The following KBTBD7 variants were observed in gnomAD, a reference collection of about 807,000 sequenced individuals.
KBTBD7 encodes the protein kelch repeat and BTB domain-containing protein 7.
In KBTBD7, 25 loss-of-function variants were observed where a neutral mutation model predicts 50.3. The ratio of observed to expected loss-of-function variants is 0.50; its 90% CI spans 0.36 to 0.69. The LOEUF is 0.69. KBTBD7 is among the 30% of genes least tolerant of loss of function. KBTBD7 has a pLI of 0.00. For synonymous variants in KBTBD7, 305 were observed against 325.3 expected, an observed-to-expected ratio of 0.94 and a Z score of 0.67; for missense variants, 653 against 869.5, an observed-to-expected ratio of 0.75 and a Z score of 3.13.
Position 41,194,496 on chromosome 13 carries a change from G to A in KBTBD7, c.-239C>T, listed in dbSNP as rs951841752. 2 of 582,286 alleles carry A rather than the reference G, an allele frequency of 3.4e-6. No individual in the cohort carries two copies. Among genetic ancestry groups the A allele is most frequent in the Non-Finnish European group, 3.0e-6 (1 of 328,598 alleles). 36.1% of individuals were successfully genotyped at this position (582,286 alleles called of 1,614,324 possible). A position where few individuals can be genotyped will look rare whatever the true frequency, so the allele number is the denominator to read the frequency against. Reference sequence around the variant, plus strand: ...TCTCCGCCTCCGCTCGCCCTCACAGGACCCGCTGGCTTGCAGCCGCGGAAG... The same window carrying A: ...TCTCCGCCTCCGCTCGCCCTCACAGAACCCGCTGGCTTGCAGCCGCGGAAG... On this transcript the variant is annotated 5_prime_UTR_variant, in exon 1 of 1. Transcript: ENST00000379483.
rs886906156 is a variant in KBTBD7 at position 41,192,872 on chromosome 13, G to C, written c.1386C>G (p.Asn462Lys). 6 of 1,614,092 alleles carry C rather than the reference G, an allele frequency of 3.7e-6. No homozygotes were observed. Among genetic ancestry groups the C allele is most frequent in the East Asian group, 4.5e-5 (2 of 44,900 alleles). The change falls in exon 1 of 1, where the codon AAC becomes AAG. Residue 462 changes from asparagine (N) to lysine (K), a missense_variant. Asn to Lys is a moderately conservative substitution (Grantham distance 94). Around this residue, in one of 3 missense-constraint regions of KBTBD7, gnomAD observed 526 missense variants for 717.1 expected, o/e 0.73. Transcript: ENST00000379483. Reference sequence around the variant, plus strand: ...GGACAGGAGCCACCAATGCCCACTGGTTTCTCTGAACACTGTAGCATTCCA... The same window carrying C: ...GGACAGGAGCCACCAATGCCCACTGCTTTCTCTGAACACTGTAGCATTCCA... Reference protein sequence around the residue: ...KEVECYSVQRNQWALVAPVPH... With the variant: ...KEVECYSVQRKQWALVAPVPH...
rs1272988852 is a variant in KBTBD7, at chr13:41,194,097, T to C, written c.161A>G (p.Lys54Arg). 1.2e-6 allele frequency: 2 copies of C among 1,614,094 alleles called. No individual in the cohort carries two copies. Among genetic ancestry groups the C allele is most frequent in the Non-Finnish European group, 1.7e-6 (2 of 1,180,042 alleles). Residue 54 changes from lysine (K) to arginine (R), a missense_variant, in exon 1 of 1, where the codon AAG (lysine) becomes AGG (arginine). By Grantham distance (26) the Lys-to-Arg change is conservative. Around this residue, in one of 3 missense-constraint regions of KBTBD7, gnomAD observed 119 missense variants for 125.0 expected, o/e 0.95. Coordinates refer to ENST00000379483, the MANE Select transcript of KBTBD7 (RefSeq NM_032138.7). ...AHSAALLAQL[K>R]SFYDARLLCD... ...CAGCAGCCGCGCGTCGTAGAAGGAC[T>C]TGAGCTGTGCCAGCAGGGCTGCAGA... is the stretch of plus-strand genomic sequence containing the variant.
In KBTBD7 at chr13:41,194,477, C is replaced by T; in HGVS notation, c.-220G>A. 3.2e-6 allele frequency: 2 copies of T among 622,594 alleles called. No individual in the cohort carries two copies. The highest frequency in any genetic ancestry group is 6.2e-5 in the Admixed American group (2 of 32,096). 38.6% of individuals were successfully genotyped at this position (622,594 alleles called of 1,614,324 possible). ...CTCTCACTCCCGCGCCCTTTCTCCG[C>T]CTCCGCTCGCCCTCACAGGACCCGC... On this transcript the variant is annotated 5_prime_UTR_variant, in exon 1 of 1. Coordinates refer to ENST00000379483, the MANE Select transcript of KBTBD7 (RefSeq NM_032138.7).
At position 41,189,919 on chromosome 13, in the gene KBTBD7, C is replaced by T. The variant is rs1442824267; in HGVS notation, c.*2284G>A. On this transcript the variant is annotated 3_prime_UTR_variant, in exon 1 of 1. Coordinates refer to ENST00000379483, the MANE Select transcript of KBTBD7 (RefSeq NM_032138.7). ...AATGGTTAACATCTACTCCTTAATT[C>T]ACAAATAGATCACAAAACCAAGATC... 1 of 152,192 alleles carries T rather than the reference C, an allele frequency of 6.6e-6. No homozygotes were observed. Among genetic ancestry groups the T allele is most frequent in the Non-Finnish European group, 1.5e-5 (1 of 68,022 alleles). The allele number at this position is 152,192 out of a possible 1,614,324, so 9.4% of individuals were successfully genotyped here.
rs2031483494 is a variant in KBTBD7 at position 41,194,492 on chromosome 13, A to G, written c.-235T>C. The G allele has an allele frequency of 1.7e-6, 1 of 585,602 alleles. No individual in the cohort carries two copies. The highest frequency in any genetic ancestry group is 3.0e-6 in the Non-Finnish European group (1 of 331,034). The allele number at this position is 585,602 out of a possible 1,614,324, so 36.3% of individuals were successfully genotyped here. A position where few individuals can be genotyped will look rare whatever the true frequency, so the allele number is the denominator to read the frequency against. On this transcript the variant is annotated 5_prime_UTR_variant, in exon 1 of 1. Coordinates refer to ENST00000379483, the MANE Select transcript of KBTBD7 (RefSeq NM_032138.7). ...CCTTTCTCCGCCTCCGCTCGCCCTC[A>G]CAGGACCCGCTGGCTTGCAGCCGCG...
At position 41,191,555 on chromosome 13, in the gene KBTBD7, T is replaced by TC. The variant is rs1431109820; in HGVS notation, c.*647_*648insG. On this transcript the variant is annotated 3_prime_UTR_variant, in exon 1 of 1. Transcript: ENST00000379483. Reference sequence around the variant, plus strand: ...AACAGTGGAATCCTGATTTTTTCTTTTTTTTTTTTTTTTTTTTTACTTTCT... The same window carrying TC: ...AACAGTGGAATCCTGATTTTTTCTTTCTTTTTTTTTTTTTTTTTTACTTTCT... 5.5e-4 allele frequency: 79 copies of TC among 143,752 alleles called. No individual in the cohort carries two copies. Among genetic ancestry groups the TC allele is most frequent in the African/African-American group, 1.9e-3 (75 of 39,018 alleles). The allele number at this position is 143,752 out of a possible 1,614,324, so 8.9% of individuals were successfully genotyped here.
chr13:41,192,755 G>T lies in KBTBD7; in HGVS notation c.1503C>A (p.His501Gln). ...SKRMLCYDPS[H>Q]NMWLNCASLK... ...GAGAAGCACAGTTCAGCCACATATT[G>T]TGGCTAGGATCATAGCAAAGCATGC... Residue 501 changes from histidine to glutamine, a missense_variant, in exon 1 of 1, where the codon CAC (histidine) becomes CAA (glutamine). Physicochemically the swap from His to Gln is conservative, Grantham distance 24 (BLOSUM62 0). Coordinates refer to ENST00000379483, the MANE Select transcript of KBTBD7 (RefSeq NM_032138.7). The T allele has an allele frequency of 1.2e-6, 2 of 1,614,160 alleles. No individual in the cohort carries two copies. The highest frequency in any genetic ancestry group is 2.2e-5 in the South Asian group (2 of 91,082).
chr13:41,193,148 T>C lies in KBTBD7; in HGVS notation c.1110A>G (p.Pro370=). 1 of 1,614,176 alleles carries C rather than the reference T, an allele frequency of 6.2e-7. No individual in the cohort carries two copies. The highest frequency in any genetic ancestry group is 1.3e-5 in the African/African-American group (1 of 75,036). ...DPYSGDIYTM[P]SPLTSFAHTK... The stretch of plus-strand genomic sequence containing the variant: ...TGTGAGCAAAGCTGGTCAAAGGGGA[T>C]GGCATTGTGTAAATGTCCCCCGAGT... The change falls in exon 1 of 1, where the codon CCA becomes CCG. Residue 370 remains proline (P), a synonymous_variant. Transcript: ENST00000379483. This position sits in a 1 kb window ranked among gnomAD's most constrained non-coding sequence, Gnocchi z 5.7.
In KBTBD7 at chr13:41,193,765, C is replaced by T. The variant is rs2031457034; in HGVS notation, c.493G>A (p.Ala165Thr). ...CAGTTGGTCAGGTCAAGACGTCGGG[C>T]TAAGAAGGAGGCACAGGCTTCCCGC... Reference protein sequence around the residue: ...YVREACASFLARRLDLTNCTA... With the variant: ...YVREACASFLTRRLDLTNCTA... The change falls in exon 1 of 1, where the codon GCC (alanine) becomes ACC (threonine). Residue 165 changes from alanine to threonine, a missense_variant. Physicochemically the swap from Ala to Thr is moderately conservative, Grantham distance 58. Around this residue, in one of 3 missense-constraint regions of KBTBD7, gnomAD observed 526 missense variants for 717.1 expected, o/e 0.73. Coordinates refer to ENST00000379483, the MANE Select transcript of KBTBD7 (RefSeq NM_032138.7). The surrounding 1 kb of genome is among the most constrained non-coding windows in gnomAD (Gnocchi z 5.7). 1 of 1,614,228 alleles carries T rather than the reference C, an allele frequency of 6.2e-7. No individual in the cohort carries two copies. The highest frequency in any genetic ancestry group is 8.5e-7 in the Non-Finnish European group (1 of 1,180,034).
rs1022831976 is a variant in KBTBD7, at chr13:41,192,483, T to A, written c.1775A>T (p.Glu592Val). 1.9e-6 allele frequency: 3 copies of A among 1,614,106 alleles called. No homozygotes were observed. In the African/African-American group the frequency reaches 4.0e-5, roughly 22 times the overall value. Residue 592 changes from glutamate (E) to valine (V), a missense_variant, in exon 1 of 1, where the codon GAA becomes GTA. Glu to Val is a moderately radical substitution (Grantham distance 121). Coordinates refer to ENST00000379483, the MANE Select transcript of KBTBD7 (RefSeq NM_032138.7). Reference protein sequence around the residue: ...RVTVYEYDTREDQWINIGTML... With the variant: ...RVTVYEYDTRVDQWINIGTML... Reference sequence around the variant, plus strand: ...GGTACCTATATTAATCCACTGATCTTCCCTAGTATCATACTCATACACTGT... The same window carrying A: ...GGTACCTATATTAATCCACTGATCTACCCTAGTATCATACTCATACACTGT...
Position 41,194,091 on chromosome 13 carries a change from A to G in KBTBD7, c.167T>C (p.Phe56Ser). ...SAALLAQLKS[F>S]YDARLLCDVT... ...ATCACACAGCAGCCGCGCGTCGTAG[A>G]AGGACTTGAGCTGTGCCAGCAGGGC... The change falls in exon 1 of 1, where the codon TTC becomes TCC. Residue 56 changes from phenylalanine (F) to serine (S), a missense_variant. Coordinates refer to ENST00000379483, the MANE Select transcript of KBTBD7 (RefSeq NM_032138.7). 6.2e-7 allele frequency: 1 copy of G among 1,614,188 alleles called. No individual in the cohort carries two copies. The highest frequency in any genetic ancestry group is 2.2e-5 in the East Asian group (1 of 44,882).
At position 41,194,526 on chromosome 13, in the gene KBTBD7, C is replaced by A; in HGVS notation, c.-269G>T. 3.7e-6 allele frequency: 2 copies of A among 536,198 alleles called. No individual in the cohort carries two copies. Among genetic ancestry groups the A allele is most frequent in the Non-Finnish European group, 3.4e-6 (1 of 293,906 alleles). 33.2% of individuals were successfully genotyped at this position (536,198 alleles called of 1,614,324 possible). A position where few individuals can be genotyped will look rare whatever the true frequency, so the allele number is the denominator to read the frequency against. On this transcript the variant is annotated 5_prime_UTR_variant, in exon 1 of 1. Transcript: ENST00000379483. Reference sequence around the variant, plus strand: ...GCTGGCTTGCAGCCGCGGAAGCCCCCACTGCCGCGCTGGCGATCCCGCTAG... The same window carrying A: ...GCTGGCTTGCAGCCGCGGAAGCCCCAACTGCCGCGCTGGCGATCCCGCTAG...
Position 41,192,145 on chromosome 13 carries a change from T to C in KBTBD7, c.*58A>G. 1.3e-6 allele frequency: 2 copies of C among 1,498,068 alleles called. No individual in the cohort carries two copies. The highest frequency in any genetic ancestry group is 9.0e-7 in the Non-Finnish European group (1 of 1,113,430). 92.8% of individuals were successfully genotyped at this position (1,498,068 alleles called of 1,614,324 possible). ...CTTTTTTTCCAAGAAAAAGAAACGATATGTGTTTAAAATACATTCCGTAGC... is the reference window on the plus strand; with the variant it reads ...CTTTTTTTCCAAGAAAAAGAAACGACATGTGTTTAAAATACATTCCGTAGC... On this transcript the variant is annotated 3_prime_UTR_variant, in exon 1 of 1. Transcript: ENST00000379483.
At position 41,194,380 on chromosome 13, in the gene KBTBD7, C is replaced by T. The variant is rs1347814007; in HGVS notation, c.-123G>A. On this transcript the variant is annotated 5_prime_UTR_variant, in exon 1 of 1. Coordinates refer to ENST00000379483, the MANE Select transcript of KBTBD7 (RefSeq NM_032138.7). ...TCCTGGAACAGACTGCGGCACGGGC[C>T]GCACTTCTGAATTCAGCCCTATCCC... is the stretch of plus-strand genomic sequence containing the variant. 3.0e-6 allele frequency: 4 copies of T among 1,329,132 alleles called. No homozygotes were observed. In the East Asian group the frequency reaches 9.9e-5, roughly 33 times the overall value. 82.3% of individuals were successfully genotyped at this position (1,329,132 alleles called of 1,614,324 possible). A position where few individuals can be genotyped will look rare whatever the true frequency, so the allele number is the denominator to read the frequency against.
In KBTBD7 at chr13:41,193,643, T is replaced by G. The variant is rs775120950; in HGVS notation, c.615A>C (p.Arg205=). Residue 205 remains arginine, a synonymous_variant, in exon 1 of 1, where the codon CGA becomes CGC. Transcript: ENST00000379483. The surrounding 1 kb of genome is among the most constrained non-coding windows in gnomAD (Gnocchi z 5.7). ...GAGTCTCCTCCCGAATTGAACCCAT[T>G]CGGCTGAGCTGCTTGAAGTTGTGAG... ...YIAHNFKQLS[R]MGSIREETLA... 1.7e-5 allele frequency: 28 copies of G among 1,613,974 alleles called. No individual in the cohort carries two copies. Among genetic ancestry groups the G allele is most frequent in the South Asian group, 2.2e-5 (2 of 91,094 alleles).
Position 41,193,773 on chromosome 13 carries a change from G to A in KBTBD7, c.485C>T (p.Ser162Phe), listed in dbSNP as rs1431784081. Residue 162 changes from serine (S) to phenylalanine (F), a missense_variant, in exon 1 of 1, where the codon TCC becomes TTC. Transcript: ENST00000379483. This position sits in a 1 kb window ranked among gnomAD's most constrained non-coding sequence, Gnocchi z 5.7. ...QLEYVREACA[S>F]FLARRLDLTN... ...CAGGTCAAGACGTCGGGCTAAGAAG[G>A]AGGCACAGGCTTCCCGCACATATTC... The A allele has an allele frequency of 2.5e-6, 4 of 1,614,146 alleles. No homozygotes were observed. The Admixed American group carries it at 6.7e-5, about 27-fold the overall frequency.
chr13:41,194,111 C>A lies in KBTBD7; in HGVS notation c.147G>T (p.Leu49=), dbSNP rs376321477. 6.2e-7 allele frequency: 1 copy of A among 1,614,082 alleles called. No homozygotes were observed. The highest frequency in any genetic ancestry group is 8.5e-7 in the Non-Finnish European group (1 of 1,180,044). Residue 49 remains leucine (L), a synonymous_variant, in exon 1 of 1, where the codon CTG becomes CTT. Transcript: ENST00000379483. ...CGTAGAAGGACTTGAGCTGTGCCAGCAGGGCTGCAGAATGGGCCGTGTCCT... is the reference window on the plus strand; with the variant it reads ...CGTAGAAGGACTTGAGCTGTGCCAGAAGGGCTGCAGAATGGGCCGTGTCCT... ...ELKDTAHSAA[L]LAQLKSFYDA... is the part of the protein sequence containing the mutation.
Position 41,194,491 on chromosome 13 carries a change from C to T in KBTBD7, c.-234G>A. 1.7e-6 allele frequency: 1 copy of T among 594,556 alleles called. No homozygotes were observed. 36.8% of individuals were successfully genotyped at this position (594,556 alleles called of 1,614,324 possible). ...CCCTTTCTCCGCCTCCGCTCGCCCTCACAGGACCCGCTGGCTTGCAGCCGC... is the reference window on the plus strand; with the variant it reads ...CCCTTTCTCCGCCTCCGCTCGCCCTTACAGGACCCGCTGGCTTGCAGCCGC... On this transcript the variant is annotated 5_prime_UTR_variant, in exon 1 of 1. Coordinates refer to ENST00000379483, the MANE Select transcript of KBTBD7 (RefSeq NM_032138.7).
In KBTBD7 at chr13:41,192,481, C is replaced by T. The variant is rs1184921089; in HGVS notation, c.1777G>A (p.Asp593Asn). ...VTVYEYDTREDQWINIGTMLG... is the reference protein window; with the variant it reads ...VTVYEYDTRENQWINIGTMLG... ...ATGGTACCTATATTAATCCACTGAT[C>T]TTCCCTAGTATCATACTCATACACT... Residue 593 changes from aspartate to asparagine, a missense_variant, in exon 1 of 1, where the codon GAT becomes AAT. Coordinates refer to ENST00000379483, the MANE Select transcript of KBTBD7 (RefSeq NM_032138.7). 6.2e-7 allele frequency: 1 copy of T among 1,614,226 alleles called. No individual in the cohort carries two copies. Among genetic ancestry groups the T allele is most frequent in the African/African-American group, 1.3e-5 (1 of 75,070 alleles).
Sources: allele counts gnomAD v4.1 joint callset, GRCh38; gene constraint gnomAD v4.1.1; regional missense constraint gnomAD v4.1.1; non-coding constraint Gnocchi (gnomAD v3.1); transcripts MANE v1.5; gene names NCBI Gene and HGNC (gene_info 2026-07-23, HGNC 2026-07-21).